Variants in PAMR1 observed in about 807,000 individuals in gnomAD.
PAMR1 encodes the protein peptidase domain containing associated with muscle regeneration 1.
In PAMR1, 88 loss-of-function variants were observed where a neutral mutation model predicts 81.8. The ratio of observed to expected loss-of-function variants is 1.08; its 90% CI spans 0.91 to 1.28. PAMR1 has a LOEUF of 1.28. Among genes scored for constraint, PAMR1 ranks in the 50% most tolerant of loss-of-function variants. PAMR1 has a pLI of 0.00. For missense variants in PAMR1, 935 were observed against 919.7 expected (o/e 1.02, Z -0.21); for synonymous variants, 336 against 345.3 (o/e 0.97, Z 0.30).
upstream of PAMR1, among the ~76,000 whole-genome samples, chr11:35,528,064 T>C (rs1839832913): frequency 6.6e-6 from 1 of 151,508 alleles, no homozygotes; most frequent in African/African-American, 2.4e-5. Context: ...CATCCCTACA[T>C]GAATTGCATC....
intron 1 of PAMR1, among the ~76,000 whole-genome samples, chr11:35,507,672 G>A (rs193159419): frequency 7.3e-5 from 11 of 151,670 alleles, no homozygotes; most frequent in African/African-American, 2.2e-4. Context: ...GTTTGCTGTT[G>A]TTTTTTGTGC....
chr11:35,434,700 G>C lies in PAMR1; in HGVS notation c.1438C>G (p.Leu480Val), dbSNP rs143377049. The C allele has an allele frequency of 1.2e-5, 19 of 1,614,008 alleles. No homozygotes were observed. In the African/African-American group the frequency reaches 2.3e-4, roughly 19 times the overall value. Residue 480 changes from leucine (L) to valine (V), a missense_variant, in exon 10 of 11, where the codon CTA (leucine) becomes GTA (valine). Physicochemically the swap from Leu to Val is conservative, Grantham distance 32 (BLOSUM62 1). Coordinates refer to ENST00000619888, the MANE Select transcript of PAMR1 (RefSeq NM_001001991.3). ...RRTSGVHDGS[L>V]HKGAWFLVCS... is the part of the protein sequence containing the mutation. ...ACTAGGAACCACGCTCCCTTGTGTA[G>C]GCTGCCGTCATGCACCCCGCTGGTC...
chr11:35,490,032 A>G (rs1018185265), intron 3 of PAMR1, among the ~76,000 whole-genome samples: 4 of 152,224 alleles, frequency 2.6e-5, no homozygotes, highest in Non-Finnish European at 5.9e-5. Flanking sequence ...ACAATTCCAC[A>G]TGCTGGGAAG....
chr11:35,480,362 A>G (rs1850365861), intron 3 of PAMR1, among the ~76,000 whole-genome samples: 1 of 152,216 alleles, frequency 6.6e-6, no homozygotes, highest in Non-Finnish European at 1.5e-5. Context: ...AAACACTCAC[A>G]TGGAAATAGC....
intron 6 of PAMR1, among the ~76,000 whole-genome samples, chr11:35,451,653 T>G (rs774781073): frequency 6.6e-6 from 1 of 152,176 alleles, no homozygotes; most frequent in Admixed American, 6.5e-5. Flanking sequence ...TAGGATCCAA[T>G]AGAAGGTACA....
At chr11:35,473,556 TTAA>T (rs1283155059) in intron 4 of PAMR1, among the ~76,000 whole-genome samples, 1 of 152,162 alleles carries the variant, frequency 6.6e-6, no homozygotes, top group East Asian at 1.9e-4. Flanking sequence ...CCTCTAGGAA[TTAA>T]TGAGACTCAT....
At chr11:35,460,274 A>C (rs535324134) in intron 6 of PAMR1, among the ~76,000 whole-genome samples, 70 of 151,634 alleles carry the variant, frequency 4.6e-4, no homozygotes, top group Non-Finnish European at 8.7e-4. Context: ...AACAGAAGTT[A>C]ATTGTGCTAT....
rs370536276 is a variant in PAMR1 at position 35,456,394 on chromosome 11, G to A, written c.820+11607C>T. Among the ~76,000 whole-genome samples, 50 of 152,292 alleles carry A rather than the reference G, an allele frequency of 3.3e-4. 1 individual carries two copies. The highest frequency in any genetic ancestry group is 8.5e-4 in the Admixed American group (13 of 15,296). On this transcript the variant is annotated intron_variant, in intron 6 of 10. Coordinates refer to ENST00000619888, the MANE Select transcript of PAMR1 (RefSeq NM_001001991.3). ...GTGGGTTCATACCACTTAGCCTGCC[G>A]TGCTGTCTGAAAAGAAATTTCTTAA...
At chr11:35,466,100 G>A (rs2135373325) in intron 6 of PAMR1, among the ~76,000 whole-genome samples, 1 of 150,950 alleles carries the variant, frequency 6.6e-6, no homozygotes. Flanking sequence ...AAAGTATTGT[G>A]TAATTCGTTC....
chr11:35,483,920 G>A (rs1211061432), intron 3 of PAMR1, among the ~76,000 whole-genome samples: 1 of 152,152 alleles, frequency 6.6e-6, no homozygotes, highest in East Asian at 1.9e-4. Flanking sequence ...TTTGTCTGGT[G>A]AAGACTACCT....
intron 1 of PAMR1, among the ~76,000 whole-genome samples, chr11:35,503,679 G>A (rs1035846294): frequency 6.6e-6 from 1 of 151,756 alleles, no homozygotes; most frequent in Non-Finnish European, 1.5e-5. Context: ...AGATTATGTT[G>A]GTGTATATAA....
intron 8 of PAMR1, among the ~76,000 whole-genome samples, chr11:35,439,400 G>A (rs1022816751): frequency 2.0e-5 from 3 of 152,118 alleles, no homozygotes; most frequent in African/African-American, 2.4e-5. Flanking sequence ...ACTTTCCCAC[G>A]ATCCAGTGAA....
At chr11:35,517,287 C>G (rs1359245041) in intron 1 of PAMR1, among the ~76,000 whole-genome samples, 1 of 152,210 alleles carries the variant, frequency 6.6e-6, no homozygotes. Context: ...GTGCCATCAT[C>G]TCATGGCCCT....
rs767918190 is a variant in PAMR1, at chr11:35,446,266, T to C, written c.821-4573A>G. On this transcript the variant is annotated intron_variant, in intron 6 of 10. Transcript: ENST00000619888. The stretch of plus-strand genomic sequence containing the variant: ...TAATCTAGCTAGCTATGTATTTTAT[T>C]AATTTTTATTCAAAAAACCAGCTCC... 9.3e-4 allele frequency among the ~76,000 whole-genome samples: 141 copies of C among 152,220 alleles called. 3 individuals carry two copies. The highest frequency in any genetic ancestry group is 3.3e-4 in the Admixed American group (5 of 15,286).
upstream of PAMR1, among the ~76,000 whole-genome samples, chr11:35,528,660 G>C (rs1464856904): frequency 6.6e-6 from 1 of 152,066 alleles, no homozygotes; most frequent in Non-Finnish European, 1.5e-5. Flanking sequence ...AGGAATCTAA[G>C]ATGGGTAGGG....
intron 1 of PAMR1, among the ~76,000 whole-genome samples, chr11:35,509,878 AC>A (rs1488952607): frequency 6.6e-6 from 1 of 152,242 alleles, no homozygotes; most frequent in Non-Finnish European, 1.5e-5. Context: ...TTTGCTTTTC[AC>A]ATTTAAAGGC....
intron 10 of PAMR1, 96 bp from the exon 11 acceptor site, chr11:35,432,988 T>C: frequency 9.8e-7 from 1 of 1,019,440 alleles, no homozygotes; most frequent in Non-Finnish European, 1.4e-6. Context: ...GGAGAAAATG[T>C]CTAAGAGGCA....
At chr11:35,483,189 G>C (rs1850433881) in intron 3 of PAMR1, among the ~76,000 whole-genome samples, 1 of 152,160 alleles carries the variant, frequency 6.6e-6, no homozygotes, top group South Asian at 2.1e-4. Context: ...CAGGACTGAA[G>C]CTATAATCTC....
intron 1 of PAMR1, among the ~76,000 whole-genome samples, chr11:35,512,478 G>A (rs1279681619): frequency 6.6e-6 from 1 of 152,138 alleles, no homozygotes; most frequent in Non-Finnish European, 1.5e-5. Flanking sequence ...ACAATAATTG[G>A]TTCCTGAGAG....
Sources: gnomAD v4.1 joint callset for allele counts (sites outside exome capture counted in the v4.1 genomes callset) on GRCh38, gnomAD v4.1.1 for gene constraint, MANE v1.5 for transcripts, NCBI Gene and HGNC (gene_info 2026-07-23, HGNC 2026-07-21) for gene names.